Variants in NLGN4X observed in about 807,000 individuals in gnomAD.
NLGN4X encodes the protein neuroligin 4 X-linked, also known as neuroligin-4, X-linked.
In NLGN4X, 3 loss-of-function variants were observed where a neutral mutation model predicts 40.3. The ratio of observed to expected loss-of-function variants is 0.07; its 90% CI spans 0.03 to 0.19. NLGN4X has a LOEUF of 0.19. Ranked by LOEUF, NLGN4X falls within the 10% of genes least tolerant of loss-of-function variation. NLGN4X has a pLI of 1.00. For missense variants in NLGN4X, 382 were observed against 708.3 expected, an observed-to-expected ratio of 0.54 and a Z score of 5.23; for synonymous variants, 270 against 306.8, an observed-to-expected ratio of 0.88 and a Z score of 1.25.
chrX:6,016,483 A>G (rs1156838839), intron 3 of NLGN4X, among the ~76,000 whole-genome samples: 1 of 112,203 alleles, frequency 8.9e-6, no homozygotes, highest in Non-Finnish European at 1.9e-5. Flanking sequence ...GTGAGTGAGG[A>G]TGTGGAGAAG....
At chrX:6,179,459 A>G (rs145818382) in intron 1 of NLGN4X, among the ~76,000 whole-genome samples, 2,656 of 111,962 alleles carry the variant, frequency 0.024, 77 homozygotes, top group African/African-American at 0.079. Context: ...GATGAGTGTT[A>G]GGGCTGTGAG....
rs1218675794 is a variant in NLGN4X, at chrX:6,042,455, A to AT, written c.473-13024dup. Among the ~76,000 whole-genome samples, 246 of 101,177 alleles carry AT rather than the reference A, an allele frequency of 2.4e-3. 1 individual carries two copies. The highest frequency in any genetic ancestry group is 7.8e-3 in the African/African-American group (220 of 28,045). 87.9% of individuals were successfully genotyped at this position (101,177 alleles called of 115,157 possible). On this transcript the variant is annotated intron_variant, in intron 2 of 5. Coordinates refer to ENST00000381095, the MANE Select transcript of NLGN4X (RefSeq NM_181332.3). ...TATTATATTTACATGAGCCTTTCCC[A>AT]TTTTTTTTTTAGAATTTTCAGCTGA...
At chrX:6,101,999 A>T (rs1040262139) in intron 2 of NLGN4X, among the ~76,000 whole-genome samples, 4 of 109,825 alleles carry the variant, frequency 3.6e-5, no homozygotes, top group Admixed American at 9.8e-5. Flanking sequence ...TTTAGTAGAG[A>T]TGGGATTTCA....
chrX:5,940,300 A>G (rs1468007128), intron 3 of NLGN4X, among the ~76,000 whole-genome samples: 1 of 112,473 alleles, frequency 8.9e-6, no homozygotes, highest in Non-Finnish European at 1.9e-5. Flanking sequence ...AAGACACTTC[A>G]TATCTTATAA....
At chrX:6,098,808 C>T (rs899179092) in intron 2 of NLGN4X, among the ~76,000 whole-genome samples, 25 of 111,685 alleles carry the variant, frequency 2.2e-4, no homozygotes, top group African/African-American at 6.5e-4. Context: ...TTCAACCGCC[C>T]GTTCTCAATA....
chrX:5,925,684 C>G (rs1453832534), intron 3 of NLGN4X, among the ~76,000 whole-genome samples: 1 of 104,553 alleles, frequency 9.6e-6, no homozygotes, highest in Non-Finnish European at 2.0e-5. Flanking sequence ...GTTATGGTGC[C>G]CTTTGTAGGA....
intron 3 of NLGN4X, among the ~76,000 whole-genome samples, chrX:5,963,520 C>G (rs1411464208): frequency 1.8e-5 from 2 of 111,791 alleles, no homozygotes; most frequent in African/African-American, 6.5e-5. Flanking sequence ...GCAGCCCGAA[C>G]AGACCAAAAC....
intron 3 of NLGN4X, among the ~76,000 whole-genome samples, chrX:5,953,314 G>A (rs930654773): frequency 1.8e-5 from 2 of 110,825 alleles, no homozygotes; most frequent in African/African-American, 3.3e-5. Context: ...AGATTGAGGC[G>A]GCAGTGAGCT....
Position 6,011,738 on chromosome X carries a change from T to A in NLGN4X, c.625+17542A>T, listed in dbSNP as rs970996256. Among the ~76,000 whole-genome samples, 47 of 111,337 alleles carry A rather than the reference T, an allele frequency of 4.2e-4. 1 individual carries two copies. Among genetic ancestry groups the A allele is most frequent in the Admixed American group, 9.6e-5 (1 of 10,417 alleles). On this transcript the variant is annotated intron_variant, in intron 3 of 5. Coordinates refer to ENST00000381095, the MANE Select transcript of NLGN4X (RefSeq NM_181332.3). ...CATCTTCTGGAGAACACCTGACTTG[T>A]TTGAACGTTATGTAATCGTTACTCA...
At chrX:6,151,854 A>C in intron 1 of NLGN4X, 83 bp from the exon 2 acceptor site, 1 of 238,167 alleles carries the variant, frequency 4.2e-6, no homozygotes, top group Non-Finnish European at 7.6e-6. Context: ...CACGAAATCC[A>C]CAACATCTCT....
chrX:6,140,838 C>T (rs759900507), intron 2 of NLGN4X, among the ~76,000 whole-genome samples: 19 of 110,117 alleles, frequency 1.7e-4, no homozygotes, highest in East Asian at 5.7e-4. Context: ...TAGACCTCCC[C>T]AAGTGCTAGG....
In NLGN4X at chrX:6,038,270, C is replaced by T. The variant is rs1031204786; in HGVS notation, c.473-8838G>A. 4.5e-5 allele frequency among the ~76,000 whole-genome samples: 5 copies of T among 111,891 alleles called. No homozygotes were observed. The East Asian group carries it at 1.4e-3, about 32-fold the overall frequency. Reference sequence around the variant, plus strand: ...CATTTATGGGAGCAAAGAAAACAGGCTGCTCTGAGCAGAAGCATGGGTTGG... The same window carrying T: ...CATTTATGGGAGCAAAGAAAACAGGTTGCTCTGAGCAGAAGCATGGGTTGG... On this transcript the variant is annotated intron_variant, in intron 2 of 5. Transcript: ENST00000381095.
chrX:6,031,332 G>C (rs2036852401), intron 2 of NLGN4X, among the ~76,000 whole-genome samples: 1 of 111,610 alleles, frequency 9.0e-6, no homozygotes, highest in Non-Finnish European at 1.9e-5. Flanking sequence ...TCAAAGAAGG[G>C]GCTACCTGAA....
chrX:5,975,122 C>T (rs992396284), intron 3 of NLGN4X, among the ~76,000 whole-genome samples: 3 of 111,971 alleles, frequency 2.7e-5, no homozygotes, highest in Non-Finnish European at 5.6e-5. Flanking sequence ...AAAACTGATG[C>T]ATTGTTTATT....
At chrX:6,155,387 T>C (rs960339791) in intron 1 of NLGN4X, among the ~76,000 whole-genome samples, 6 of 112,364 alleles carry the variant, frequency 5.3e-5, no homozygotes, top group Non-Finnish European at 7.5e-5. Context: ...ACTAAGAAAG[T>C]CTAGAATAGC....
At chrX:6,129,540 A>G (rs149886454) in intron 2 of NLGN4X, among the ~76,000 whole-genome samples, 14 of 112,374 alleles carry the variant, frequency 1.2e-4, no homozygotes, top group Non-Finnish European at 2.6e-4. Flanking sequence ...GGTATCCAAC[A>G]TAACAGTTTT....
intron 2 of NLGN4X, among the ~76,000 whole-genome samples, chrX:6,031,975 G>A (rs995642120): frequency 5.5e-5 from 6 of 109,801 alleles, no homozygotes; most frequent in African/African-American, 2.0e-4. Flanking sequence ...GGAGAAAAAC[G>A]TTTTCAAAAA....
intron 1 of NLGN4X, among the ~76,000 whole-genome samples, chrX:6,161,968 T>C (rs928458748): frequency 8.9e-6 from 1 of 111,980 alleles, no homozygotes; most frequent in Non-Finnish European, 1.9e-5. Flanking sequence ...CTGCTTAGGT[T>C]CAGGAATTTT....
At position 6,184,286 on chromosome X, in the gene NLGN4X, T is replaced by A. The variant is rs568139052; in HGVS notation, c.-305-32515A>T. On this transcript the variant is annotated intron_variant, in intron 1 of 5. Coordinates refer to ENST00000381095, the MANE Select transcript of NLGN4X (RefSeq NM_181332.3). ...GTTCTTTTCATTTACCTGATGCCAT[T>A]TGCTTATTACTTTGCCAGATTTTAT... Among the ~76,000 whole-genome samples the A allele has an allele frequency of 1.9e-4, 21 of 112,044 alleles. No homozygotes were observed. The South Asian group carries it at 7.1e-3, about 38-fold the overall frequency.
Sources: allele counts gnomAD v4.1 joint callset (sites outside exome capture counted in the v4.1 genomes callset), GRCh38; gene constraint gnomAD v4.1.1; transcripts MANE v1.5; gene names NCBI Gene and HGNC (gene_info 2026-07-23, HGNC 2026-07-21).